Variants in NCOA6 observed in about 807,000 individuals in gnomAD.
NCOA6 encodes the protein NRC RAP250.
A neutral mutation model predicts 171.4 loss-of-function variants in NCOA6; 49 were observed. That is an observed-to-expected ratio of 0.29 (90% confidence interval 0.23 to 0.36). The LOEUF (loss-of-function observed/expected upper bound fraction) is 0.36, where lower values mean the gene tolerates loss of function less well. Among genes scored for constraint, NCOA6 ranks in the 10% least tolerant of loss-of-function variants. NCOA6 has a pLI of 1.00. For synonymous variants in NCOA6, 910 were observed against 927.5 expected (o/e 0.98, Z 0.34); for missense variants, 2,248 against 2,554.5 (o/e 0.88, Z 2.59).
chr20:34,761,436 T>C (rs757983038), intron 5 of NCOA6, among the ~76,000 whole-genome samples: 5 of 152,090 alleles, frequency 3.3e-5, no homozygotes, highest in Non-Finnish European at 7.4e-5. Context: ...TTATAATGCA[T>C]TTTTACGTTT....
At position 34,740,399 on chromosome 20, in the gene NCOA6, T is replaced by G. The variant is rs2076096603; in HGVS notation, c.5857A>C (p.Lys1953Gln). Residue 1953 changes from lysine to glutamine, a missense_variant, in exon 11 of 15, where the codon AAG (lysine) becomes CAG (glutamine). Lys to Gln is a moderately conservative substitution (Grantham distance 53). Around this residue, in one of 7 missense-constraint regions of NCOA6, gnomAD observed 884 missense variants for 941.9 expected, o/e 0.94. Coordinates refer to ENST00000359003, the MANE Select transcript of NCOA6 (RefSeq NM_014071.5). The part of the protein sequence containing the change: ...ESLAGGLVEE[K>Q]VGSHPELLPS... ...AGAAGTTCTGGATGGGATCCCACCT[T>G]CTCCTCCACTAGGCCACCCGCAAGT... The G allele has an allele frequency of 6.2e-7, 1 of 1,613,946 alleles. No homozygotes were observed. The highest frequency in any genetic ancestry group is 8.5e-7 in the Non-Finnish European group (1 of 1,180,016).
At position 34,736,764 on chromosome 20, in the gene NCOA6, G is replaced by T. The variant is rs762301102; in HGVS notation, c.5894-6C>A. ...GACTAAATTCTGCGACGGGGCTAAG[G>T]CAAGGAAAAAAAAATTACAGACCTT... is the stretch of plus-strand genomic sequence containing the variant. On this transcript the variant is annotated splice_region_variant and splice_polypyrimidine_tract_variant and intron_variant, in intron 11 of 14. Coordinates refer to ENST00000359003, the MANE Select transcript of NCOA6 (RefSeq NM_014071.5). The T allele has an allele frequency of 3.7e-6, 6 of 1,601,230 alleles. No homozygotes were observed. Among genetic ancestry groups the T allele is most frequent in the Non-Finnish European group, 5.1e-6 (6 of 1,173,962 alleles).
chr20:34,814,500 G>C (rs988760468), intron 1 of NCOA6, among the ~76,000 whole-genome samples: 2 of 152,004 alleles, frequency 1.3e-5, no homozygotes, highest in African/African-American at 2.4e-5. Flanking sequence ...AATGAAAAAA[G>C]ACTAAAAAAA....
chr20:34,821,366 C>T (rs1210997878), intron 1 of NCOA6: 1 of 152,222 alleles, frequency 6.6e-6, no homozygotes, highest in African/African-American at 2.4e-5. Flanking sequence ...GGACCACAGT[C>T]TGTCGACCTC....
intron 1 of NCOA6, among the ~76,000 whole-genome samples, chr20:34,796,990 C>A (rs779753951): frequency 6.6e-6 from 1 of 152,154 alleles, no homozygotes; most frequent in Non-Finnish European, 1.5e-5. Context: ...ACCTCTTAAA[C>A]GCTTAGTATC....
At position 34,778,315 on chromosome 20, in the gene NCOA6, A is replaced by G. The variant is rs571761251; in HGVS notation, c.236-1867T>C. ...GTCACAAAAAGGCAAAATTCCACTT[A>G]TATCAAGGAAGTAGAGTAGTCCAAA... On this transcript the variant is annotated intron_variant, in intron 3 of 14. Coordinates refer to ENST00000359003, the MANE Select transcript of NCOA6 (RefSeq NM_014071.5). Among the ~76,000 whole-genome samples the G allele has an allele frequency of 1.2e-4, 19 of 152,344 alleles. 1 individual carries two copies. The South Asian group carries it at 3.7e-3, about 30-fold the overall frequency.
At chr20:34,797,726 A>G (rs2078123519) in intron 1 of NCOA6, among the ~76,000 whole-genome samples, 1 of 152,044 alleles carries the variant, frequency 6.6e-6, no homozygotes, top group Non-Finnish European at 1.5e-5. Flanking sequence ...CATCTCTACT[A>G]AAAATGCAAA....
chr20:34,727,428 G>A, intron 13 of NCOA6, 21 bp from the exon 14 acceptor site: 1 of 1,612,572 alleles, frequency 6.2e-7, no homozygotes, highest in Non-Finnish European at 8.5e-7. Context: ...GAAGCAAAAA[G>A]TTTCCAAGCA....
At chr20:34,731,183 C>T (rs1412385481) in intron 13 of NCOA6, among the ~76,000 whole-genome samples, 1 of 152,116 alleles carries the variant, frequency 6.6e-6, no homozygotes, top group Admixed American at 6.6e-5. Context: ...CCATGCCTGG[C>T]TAATTTTTGT....
chr20:34,802,555 T>G (rs2146485557), intron 1 of NCOA6, among the ~76,000 whole-genome samples: 1 of 151,828 alleles, frequency 6.6e-6, no homozygotes. Flanking sequence ...GAGCCGAGAT[T>G]GCACCACTGC....
intron 7 of NCOA6, among the ~76,000 whole-genome samples, chr20:34,756,664 G>C (rs2076649649): frequency 6.6e-6 from 1 of 152,134 alleles, no homozygotes; most frequent in African/African-American, 2.4e-5. Flanking sequence ...ATAACTGGTG[G>C]AATTCCCTCT....
chr20:34,743,344 A>G lies in NCOA6; in HGVS notation c.2915-3T>C. 1 of 1,587,994 alleles carries G rather than the reference A, an allele frequency of 6.3e-7. No homozygotes were observed. The highest frequency in any genetic ancestry group is 8.6e-7 in the Non-Finnish European group (1 of 1,164,170). On this transcript the variant is annotated splice_region_variant and splice_polypyrimidine_tract_variant and intron_variant, in intron 10 of 14. Coordinates refer to ENST00000359003, the MANE Select transcript of NCOA6 (RefSeq NM_014071.5). The stretch of plus-strand genomic sequence containing the variant: ...TTCAACTGGTTGAGAAGGATAACCT[A>G]AAACAAGCCCCCCAAATTAGGGAAG...
At chr20:34,738,010 C>T (rs909354236) in intron 11 of NCOA6, among the ~76,000 whole-genome samples, 2 of 152,112 alleles carry the variant, frequency 1.3e-5, no homozygotes, top group African/African-American at 4.8e-5. Context: ...GCAATCCTCC[C>T]ACCTCAGCCT....
chr20:34,757,942 T>C lies in NCOA6; in HGVS notation c.806A>G (p.Gln269Arg), dbSNP rs2076697180. 1.3e-6 allele frequency: 2 copies of C among 1,588,936 alleles called. No individual in the cohort carries two copies. Among genetic ancestry groups the C allele is most frequent in the Non-Finnish European group, 1.7e-6 (2 of 1,160,002 alleles). ...TTGCTGCTGCTGCTGCTGCTGCTGC[T>C]GTTGTTGTTGTTGCTGCTGCTGCTG... ...QLQQQQQQQQQQQQQQQQQQQ... is the reference protein window; with the variant it reads ...QLQQQQQQQQRQQQQQQQQQQ... The change falls in exon 7 of 15, where the codon CAG (glutamine) becomes CGG (arginine). Residue 269 changes from glutamine to arginine, a missense_variant. Around this residue, in one of 7 missense-constraint regions of NCOA6, gnomAD observed 987 missense variants for 1,104.7 expected, o/e 0.89. Coordinates refer to ENST00000359003, the MANE Select transcript of NCOA6 (RefSeq NM_014071.5).
intron 2 of NCOA6, among the ~76,000 whole-genome samples, chr20:34,789,589 A>G (rs1354424989): frequency 1.3e-5 from 2 of 151,924 alleles, no homozygotes; most frequent in Non-Finnish European, 2.9e-5. Flanking sequence ...CCTGGGGAAC[A>G]TGGTGAAACC....
In NCOA6 at chr20:34,746,930, TAAAAAA is replaced by T. The variant is rs11484299; in HGVS notation, c.2793-8_2793-3del. On this transcript the variant is annotated splice_polypyrimidine_tract_variant and splice_region_variant and intron_variant, in intron 9 of 14. Coordinates refer to ENST00000359003, the MANE Select transcript of NCOA6 (RefSeq NM_014071.5). ...CCAGCTGGGCGAGTATCTGGGGTGC[TAAAAAA>T]AAAAAAAAAAAAAAAAGTGACATAT... The T allele has an allele frequency of 3.3e-4, 372 of 1,136,720 alleles. No individual in the cohort carries two copies. Among genetic ancestry groups the T allele is most frequent in the South Asian group, 1.4e-3 (51 of 36,882 alleles). The allele number at this position is 1,136,720 out of a possible 1,614,324, so 70.4% of individuals were successfully genotyped here. A position where few individuals can be genotyped will look rare whatever the true frequency, so the allele number is the denominator to read the frequency against.
chr20:34,796,003 A>ATTTTT (rs569229378), intron 1 of NCOA6, among the ~76,000 whole-genome samples: 7 of 95,776 alleles, frequency 7.3e-5, no homozygotes, highest in African/African-American at 1.7e-4. Flanking sequence ...ATATGTTTGA[A>ATTTTT]TTTTTTTTTT....
At chr20:34,784,809 G>A (rs1011179914) in intron 2 of NCOA6, among the ~76,000 whole-genome samples, 13 of 151,860 alleles carry the variant, frequency 8.6e-5, no homozygotes, top group Non-Finnish European at 1.5e-4. Flanking sequence ...GGCTGGGCGC[G>A]GTGGCTCATG....
intron 11 of NCOA6, among the ~76,000 whole-genome samples, chr20:34,739,385 T>C (rs191934506): frequency 4.0e-4 from 61 of 152,342 alleles, no homozygotes; most frequent in African/African-American, 1.3e-3. Flanking sequence ...CAAGCCCATA[T>C]AGCTGGTAAA....
Sources: allele counts gnomAD v4.1 joint callset (sites outside exome capture counted in the v4.1 genomes callset), GRCh38; gene constraint gnomAD v4.1.1; regional missense constraint gnomAD v4.1.1; transcripts MANE v1.5; gene names NCBI Gene and HGNC (gene_info 2026-07-23, HGNC 2026-07-21).